The following KAZN variants were observed in gnomAD, a reference collection of about 807,000 sequenced individuals.
KAZN encodes the protein kazrin.
Under a neutral mutation model 87.4 loss-of-function variants are expected in KAZN, and 40 were observed. That is an observed-to-expected ratio of 0.46 (90% CI 0.36 to 0.60). KAZN has a LOEUF of 0.60. Among genes scored for constraint, KAZN ranks in the 20% least tolerant of loss-of-function variants. The probability of loss-of-function intolerance (pLI) is 0.00; values close to 1 mark genes in which losing one functional copy is unlikely to be tolerated. For synonymous variants in KAZN, 466 were observed against 458.3 expected, an observed-to-expected ratio of 1.02 and a Z score of -0.22; for missense variants, 898 against 1,073.9, an observed-to-expected ratio of 0.84 and a Z score of 2.29.
intron 1 of KAZN, among the ~76,000 whole-genome samples, chr1:14,860,947 C>A (rs7516796): frequency 3.3e-5 from 5 of 152,168 alleles, no homozygotes; most frequent in African/African-American, 1.2e-4. Context: ...AGTGGCTAAG[C>A]GTTTCGCCTT....
chr1:14,459,031 G>A (rs573063226), intron 2 of KAZN, among the ~76,000 whole-genome samples: 3 of 152,242 alleles, frequency 2.0e-5, no homozygotes, highest in South Asian at 2.1e-4. Flanking sequence ...AAACTGGGTG[G>A]CCCCGTTACT....
At chr1:14,153,602 C>A (rs1374588291) in intron 1 of KAZN, among the ~76,000 whole-genome samples, 1 of 149,694 alleles carries the variant, frequency 6.7e-6, no homozygotes, top group Non-Finnish European at 1.5e-5. Context: ...TGGAGAAACC[C>A]TGTCTCTACT....
intron 1 of KAZN, among the ~76,000 whole-genome samples, chr1:14,078,266 C>T (rs752266471): frequency 2.0e-5 from 3 of 152,112 alleles, no homozygotes; most frequent in Non-Finnish European, 2.9e-5. Flanking sequence ...TATACATGTG[C>T]CTGTGTAATT....
chr1:13,957,291 C>G (rs1641584363), intron 1 of KAZN, among the ~76,000 whole-genome samples: 1 of 152,164 alleles, frequency 6.6e-6, no homozygotes. Context: ...AAGGCCAGTG[C>G]CCCTGGATAT....
At chr1:14,461,448 T>A (rs113603451) in intron 2 of KAZN, among the ~76,000 whole-genome samples, 4 of 152,294 alleles carry the variant, frequency 2.6e-5, no homozygotes, top group East Asian at 1.9e-4. Flanking sequence ...ACCATGTAAG[T>A]CGTGCCTTTC....
At chr1:14,871,668 G>GTGTGTGTGTGTGTA (rs1553148931) in intron 1 of KAZN, among the ~76,000 whole-genome samples, 10 of 151,798 alleles carry the variant, frequency 6.6e-5, no homozygotes, top group African/African-American at 2.4e-4. Flanking sequence ...GTGTGTGTGT[G>GTGTGTGTGTGTGTA]TGTGTGTGTG....
intron 2 of KAZN, among the ~76,000 whole-genome samples, chr1:14,214,034 G>A (rs1218543649): frequency 1.3e-5 from 2 of 152,308 alleles, no homozygotes; most frequent in South Asian, 2.1e-4. Flanking sequence ...ATTTGGAAAT[G>A]CCAAGTTTGA....
chr1:14,805,734 C>T (rs2093089665), intron 1 of KAZN, among the ~76,000 whole-genome samples: 1 of 150,572 alleles, frequency 6.6e-6, no homozygotes, highest in Non-Finnish European at 1.5e-5. Flanking sequence ...GCACTCCAGC[C>T]TGGGAGACAG....
intron 2 of KAZN, among the ~76,000 whole-genome samples, chr1:14,464,968 T>C (rs1668040887): frequency 6.6e-6 from 1 of 152,160 alleles, no homozygotes; most frequent in African/African-American, 2.4e-5. Flanking sequence ...CAGTGTTTAT[T>C]ATATTACATC....
At chr1:14,265,258 C>G (rs1045977609) in intron 2 of KAZN, among the ~76,000 whole-genome samples, 2 of 152,152 alleles carry the variant, frequency 1.3e-5, no homozygotes, top group Admixed American at 6.5e-5. Context: ...CTTGTAACCT[C>G]TCAGTCTTGT....
At chr1:14,098,702 G>A (rs557261955) in intron 1 of KAZN, among the ~76,000 whole-genome samples, 8 of 152,174 alleles carry the variant, frequency 5.3e-5, no homozygotes, top group Non-Finnish European at 1.2e-4. Context: ...ACTTCCCTGA[G>A]TAGCTCCACT....
At chr1:14,310,032 C>G (rs1037188471) in intron 2 of KAZN, among the ~76,000 whole-genome samples, 1 of 152,080 alleles carries the variant, frequency 6.6e-6, no homozygotes. Flanking sequence ...GTACAGCTAT[C>G]AGGACTTGCC....
rs78192979 is a variant in KAZN, at chr1:14,874,614, A to C, written c.227-86070A>C. On this transcript the variant is annotated intron_variant, in intron 1 of 14. Transcript: ENST00000376030. The stretch of plus-strand genomic sequence containing the variant: ...TGTCACCTGTGACAGCAATTAAGCA[A>C]CTGTTGCCTGACACTCCGTGTGCCA... Among the ~76,000 whole-genome samples, 26 of 152,314 alleles carry C rather than the reference A, an allele frequency of 1.7e-4. No homozygotes were observed. The East Asian group carries it at 4.4e-3, about 26-fold the overall frequency.
chr1:14,660,665 A>G (rs77519257), intron 1 of KAZN, among the ~76,000 whole-genome samples: 4,842 of 147,984 alleles, frequency 0.033, 106 homozygotes, highest in Middle Eastern at 0.067. Context: ...TGATCTATCT[A>G]CAGGATTGTG....
At chr1:14,135,007 G>GCA (rs1557503910) in intron 1 of KAZN, among the ~76,000 whole-genome samples, 8 of 33,628 alleles carry the variant, frequency 2.4e-4, no homozygotes. Context: ...ACACACATGT[G>GCA]CACACATGCA....
At chr1:14,668,090 C>T (rs944693030) in intron 1 of KAZN, among the ~76,000 whole-genome samples, 1 of 152,186 alleles carries the variant, frequency 6.6e-6, no homozygotes, top group African/African-American at 2.4e-5. Flanking sequence ...GATTGTATGG[C>T]CCCAAAGGGA....
chr1:14,943,392 C>G (rs1317790689), intron 1 of KAZN, among the ~76,000 whole-genome samples: 2 of 152,130 alleles, frequency 1.3e-5, no homozygotes, highest in Non-Finnish European at 2.9e-5. Context: ...CTCCGGAGAC[C>G]TCTCAGCAAA....
intron 1 of KAZN, among the ~76,000 whole-genome samples, chr1:14,934,902 G>A (rs1020575784): frequency 6.6e-6 from 1 of 152,238 alleles, no homozygotes; most frequent in African/African-American, 2.4e-5. Context: ...AGCGTTCCCT[G>A]CTGCCCAACA....
rs558690269 is a variant in KAZN at position 14,080,103 on chromosome 1, C to G, written c.92-100332C>G. On this transcript the variant is annotated intron_variant, in intron 1 of 16. Transcript: ENST00000636203. ...TAAACATTCAGACCATAACAAAATC[C>G]TTTTCCTTTTACCCTTCTAAGTTCT... Among the ~76,000 whole-genome samples, 3 of 80,578 alleles carry G rather than the reference C, an allele frequency of 3.7e-5. No individual in the cohort carries two copies. In the South Asian group the frequency reaches 1.2e-3, roughly 31 times the overall value. The allele number at this position is 80,578 out of a possible 152,430, so 52.9% of individuals were successfully genotyped here.
Sources: allele counts gnomAD v4.1 joint callset (sites outside exome capture counted in the v4.1 genomes callset), GRCh38; gene constraint gnomAD v4.1.1; transcripts MANE v1.5; gene names NCBI Gene and HGNC (gene_info 2026-07-23, HGNC 2026-07-21).